FSIP1: variants seen among roughly 807,000 people sequenced by gnomAD.
The protein encoded by FSIP1 is fibrous sheath interacting protein 1.
FSIP1 carries 65 observed loss-of-function variants against 60.9 expected under a neutral mutation model. The observed-to-expected ratio is 1.07, with a 90% confidence interval of 0.87 to 1.31. FSIP1 has a LOEUF of 1.31. Among genes scored for constraint, FSIP1 ranks in the 40% most tolerant of loss-of-function variants. The pLI, the probability that FSIP1 is intolerant of heterozygous loss-of-function variation, is 0.00. For synonymous variants in FSIP1, 209 were observed against 221.2 expected, an observed-to-expected ratio of 0.94 and a Z score of 0.49; for missense variants, 675 against 665.5, an observed-to-expected ratio of 1.01 and a Z score of -0.16.
intron 10 of FSIP1, among the ~76,000 whole-genome samples, chr15:39,699,606 G>A (rs1221200692): frequency 7.2e-5 from 11 of 152,136 alleles, no homozygotes; most frequent in Admixed American, 7.2e-4. Context: ...ACCAGTCACA[G>A]CCTGCTATTC....
chr15:39,733,662 T>A (rs963762433), intron 8 of FSIP1, among the ~76,000 whole-genome samples: 1 of 152,148 alleles, frequency 6.6e-6, no homozygotes, highest in African/African-American at 2.4e-5. Context: ...GCCGCTGAGA[T>A]GCAGGTAGAA....
chr15:39,772,112 G>T (rs1197996834), intron 2 of FSIP1, among the ~76,000 whole-genome samples: 1 of 152,156 alleles, frequency 6.6e-6, no homozygotes, highest in African/African-American at 2.4e-5. Context: ...AGGTGAAGCT[G>T]GAGAACTAGG....
chr15:39,626,192 GA>G (rs1555387863), intron 10 of FSIP1, among the ~76,000 whole-genome samples: 2 of 152,138 alleles, frequency 1.3e-5, no homozygotes, highest in Non-Finnish European at 2.9e-5. Context: ...ATGCCCACAG[GA>G]GTCTCTAGAA....
At chr15:39,741,557 T>C (rs1896800527) in intron 6 of FSIP1, among the ~76,000 whole-genome samples, 1 of 152,248 alleles carries the variant, frequency 6.6e-6, no homozygotes, top group Non-Finnish European at 1.5e-5. Context: ...AGGTTTTCAT[T>C]ACTTGCAGCC....
At chr15:39,683,316 C>T (rs746720213) in intron 10 of FSIP1, among the ~76,000 whole-genome samples, 1 of 151,840 alleles carries the variant, frequency 6.6e-6, no homozygotes. Context: ...ACCAGATTAT[C>T]AGATTAAAAG....
chr15:39,653,983 T>C (rs1473865876), intron 10 of FSIP1, among the ~76,000 whole-genome samples: 1 of 152,166 alleles, frequency 6.6e-6, no homozygotes, highest in Non-Finnish European at 1.5e-5. Flanking sequence ...CACATTAGCC[T>C]AGGCCTACAC....
chr15:39,714,094 G>T (rs1434694487), intron 9 of FSIP1, among the ~76,000 whole-genome samples: 2 of 152,154 alleles, frequency 1.3e-5, no homozygotes, highest in Non-Finnish European at 2.9e-5. Flanking sequence ...CTGAGCTTCA[G>T]TTTCATCATC....
intron 2 of FSIP1, among the ~76,000 whole-genome samples, chr15:39,771,148 T>A (rs1475738078): frequency 6.6e-6 from 1 of 152,178 alleles, no homozygotes; most frequent in Non-Finnish European, 1.5e-5. Context: ...AAACACCAAT[T>A]GACACAGCTG....
chr15:39,625,173 C>T (rs1004843897), intron 10 of FSIP1, among the ~76,000 whole-genome samples: 4 of 152,174 alleles, frequency 2.6e-5, no homozygotes, highest in Admixed American at 2.6e-4. Flanking sequence ...TGAGAGGCTG[C>T]TGTGGCCCTG....
intron 11 of FSIP1, among the ~76,000 whole-genome samples, chr15:39,616,655 A>G (rs577936176): frequency 1.1e-4 from 16 of 152,350 alleles, no homozygotes; most frequent in Middle Eastern, 3.4e-3. Context: ...ATTGATTAGG[A>G]AAAGAACTTC....
chr15:39,727,112 T>C (rs185149992), intron 8 of FSIP1, among the ~76,000 whole-genome samples: 132 of 152,346 alleles, frequency 8.7e-4, no homozygotes, highest in Non-Finnish European at 1.6e-3. Flanking sequence ...TAATGGGACA[T>C]GGTATTTTCA....
chr15:39,758,246 T>C lies in FSIP1; in HGVS notation c.559+5575A>G, dbSNP rs202158210. On this transcript the variant is annotated intron_variant, in intron 5 of 11. Transcript: ENST00000350221. ...TGAAAAAAGGGCAACTGAAAACAAA[T>C]GTCTTGCCTTCCAGGACCAAAAGTT... Among the ~76,000 whole-genome samples the C allele has an allele frequency of 1.3e-4, 20 of 152,198 alleles. No homozygotes were observed. In the East Asian group the frequency reaches 3.9e-3, roughly 29 times the overall value.
intron 2 of FSIP1, among the ~76,000 whole-genome samples, chr15:39,775,374 T>C (rs757561535): frequency 3.9e-5 from 6 of 152,096 alleles, no homozygotes; most frequent in Non-Finnish European, 8.8e-5. Context: ...ATTCATTAAC[T>C]TGCCAAAATT....
At chr15:39,761,049 C>T (rs765035974) in intron 5 of FSIP1, among the ~76,000 whole-genome samples, 1 of 152,148 alleles carries the variant, frequency 6.6e-6, no homozygotes, top group African/African-American at 2.4e-5. Flanking sequence ...GTCAGAATGG[C>T]TCTCACCAAA....
chr15:39,667,811 A>G (rs1314184413), intron 10 of FSIP1, among the ~76,000 whole-genome samples: 1 of 152,220 alleles, frequency 6.6e-6, no homozygotes, highest in Non-Finnish European at 1.5e-5. Context: ...AATTTAGGCA[A>G]AGGCCTGAAG....
At chr15:39,698,995 A>G (rs1894943384) in intron 10 of FSIP1, among the ~76,000 whole-genome samples, 1 of 152,222 alleles carries the variant, frequency 6.6e-6, no homozygotes, top group African/African-American at 2.4e-5. Context: ...CAACTGCCCT[A>G]GCCTCCTCTG....
intron 4 of FSIP1, among the ~76,000 whole-genome samples, chr15:39,764,744 G>C (rs536420229): frequency 7.9e-5 from 12 of 152,124 alleles, no homozygotes; most frequent in Non-Finnish European, 1.6e-4. Flanking sequence ...ATGAAGTATG[G>C]TCCCAGACCT....
chr15:39,676,576 C>T (rs2140478912), intron 10 of FSIP1, among the ~76,000 whole-genome samples: 1 of 151,988 alleles, frequency 6.6e-6, no homozygotes, highest in African/African-American at 2.4e-5. Flanking sequence ...CATTTGCCTT[C>T]CCAACTCTCA....
chr15:39,621,232 T>G (rs1288172439), intron 10 of FSIP1, among the ~76,000 whole-genome samples: 1 of 152,342 alleles, frequency 6.6e-6, no homozygotes, highest in African/African-American at 2.4e-5. Flanking sequence ...ACAGAAATGT[T>G]TGCTGATTGC....
Sources: gnomAD v4.1 joint callset for allele counts (sites outside exome capture counted in the v4.1 genomes callset) on GRCh38, gnomAD v4.1.1 for gene constraint, MANE v1.5 for transcripts, NCBI Gene and HGNC (gene_info 2026-07-23, HGNC 2026-07-21) for gene names.